The following TGFB2 variants were observed in gnomAD, a reference collection of about 807,000 sequenced individuals.
TGFB2 encodes transforming growth factor beta-2 proprotein.
Under a neutral mutation model 42.7 loss-of-function variants are expected in TGFB2, and 13 were observed. The ratio of observed to expected loss-of-function variants is 0.30; its 90% confidence interval spans 0.20 to 0.48. TGFB2 has a LOEUF of 0.48. Among genes scored for constraint, TGFB2 ranks in the 20% least tolerant of loss-of-function variants. TGFB2 has a pLI of 0.99. For missense variants in TGFB2, 390 were observed against 517.5 expected, an observed-to-expected ratio of 0.75 and a Z score of 2.39; for synonymous variants, 193 against 193.6, an observed-to-expected ratio of 1.00 and a Z score of 0.03.
At chr1:218,415,852 G>A (rs765259380) in intron 2 of TGFB2, among the ~76,000 whole-genome samples, 87 of 151,898 alleles carry the variant, frequency 5.7e-4, no homozygotes, top group Non-Finnish European at 1.0e-3. Flanking sequence ...CCTGTGAGGA[G>A]AATGCCTAGG....
intron 1 of TGFB2, among the ~76,000 whole-genome samples, chr1:218,378,450 T>A (rs567626237): frequency 1.1e-3 from 168 of 152,296 alleles, no homozygotes; most frequent in Admixed American, 1.7e-3. Flanking sequence ...GTGCTGGGAT[T>A]ACAGGCGTGA....
At chr1:218,409,314 A>G (rs968774138) in intron 2 of TGFB2, among the ~76,000 whole-genome samples, 4 of 152,222 alleles carry the variant, frequency 2.6e-5, no homozygotes, top group Admixed American at 6.5e-5. Flanking sequence ...ATCAGACCAC[A>G]GAAGCAATGC....
At chr1:218,352,917 A>G (rs1380523635) in intron 1 of TGFB2, among the ~76,000 whole-genome samples, 3 of 152,232 alleles carry the variant, frequency 2.0e-5, no homozygotes, top group Non-Finnish European at 4.4e-5. Context: ...AAAGATGAAG[A>G]AAGTAACACT....
chr1:218,347,446 G>A (rs1334430891), intron 1 of TGFB2, among the ~76,000 whole-genome samples: 1 of 152,096 alleles, frequency 6.6e-6, no homozygotes, highest in Non-Finnish European at 1.5e-5. Flanking sequence ...GGCGTGGAGC[G>A]CGCCGAACTG....
chr1:218,423,582 CAAAGTTTG>C (rs1659525001), intron 2 of TGFB2, among the ~76,000 whole-genome samples: 2 of 151,956 alleles, frequency 1.3e-5, no homozygotes, highest in African/African-American at 4.8e-5. Flanking sequence ...AGTTAGAAGC[CAAAGTTTG>C]GAAGTTTGGA....
chr1:218,378,886 G>A (rs954902589), intron 1 of TGFB2, among the ~76,000 whole-genome samples: 1 of 152,068 alleles, frequency 6.6e-6, no homozygotes, highest in Non-Finnish European at 1.5e-5. Flanking sequence ...GGTAATGGAA[G>A]AAGAGGTGTG....
In TGFB2 at chr1:218,430,190, C is replaced by T. The variant is rs200558774; in HGVS notation, c.511-3892C>T. 8.6e-5 allele frequency among the ~76,000 whole-genome samples: 13 copies of T among 151,592 alleles called. No individual in the cohort carries two copies. In the South Asian group the frequency reaches 1.5e-3, roughly 17 times the overall value. On this transcript the variant is annotated intron_variant, in intron 2 of 6. Coordinates refer to ENST00000366930, the MANE Select transcript of TGFB2 (RefSeq NM_003238.6). ...CTTTGGGAGGCTGAGGTGGGTGGCT[C>T]GAGACCAGCCTGGGCAACATGGCAA...
chr1:218,440,926 A>G (rs1185903066), intron 6 of TGFB2, among the ~76,000 whole-genome samples: 4 of 152,096 alleles, frequency 2.6e-5, no homozygotes, highest in Non-Finnish European at 5.9e-5. Context: ...AAAACCGGGA[A>G]AATCTGTTGA....
Position 218,434,191 on chromosome 1 carries a change from T to TGG in TGFB2, c.620_621insGG (p.His208ValfsTer16). Reference sequence around the variant, plus strand: ...CTCTCCTTCGATGTAACTGATGCTGTTCATGAATGGCTTCACCATAAAGGT... The same window carrying TGG: ...CTCTCCTTCGATGTAACTGATGCTGTGGTCATGAATGGCTTCACCATAAAGGT... On this transcript the variant is annotated frameshift_variant, in exon 3 of 7. Coordinates refer to ENST00000366930, the MANE Select transcript of TGFB2 (RefSeq NM_003238.6). LOFTEE classifies it high-confidence loss of function. 1 of 1,614,176 alleles carries TGG rather than the reference T, an allele frequency of 6.2e-7. No individual in the cohort carries two copies. Among genetic ancestry groups the TGG allele is most frequent in the South Asian group, 1.1e-5 (1 of 91,074 alleles).
At chr1:218,402,544 GAA>G (rs143843475) in intron 1 of TGFB2, among the ~76,000 whole-genome samples, 1 of 151,688 alleles carries the variant, frequency 6.6e-6, no homozygotes, top group African/African-American at 2.4e-5. Context: ...GAAAAGGGGG[GAA>G]AAAAATGGTC....
chr1:218,439,566 G>C (rs373470515), intron 6 of TGFB2, among the ~76,000 whole-genome samples: 1 of 151,992 alleles, frequency 6.6e-6, no homozygotes, highest in Admixed American at 6.5e-5. Context: ...GACAAATACG[G>C]CTCCTCTTCC....
intron 1 of TGFB2, among the ~76,000 whole-genome samples, chr1:218,353,770 G>T (rs1656942301): frequency 6.6e-6 from 1 of 152,100 alleles, no homozygotes; most frequent in Non-Finnish European, 1.5e-5. Context: ...TGTGCCTGTA[G>T]TCCTAGCTAC....
Position 218,346,048 on chromosome 1 carries a change from G to GCGCACA in TGFB2, c.-646_-641dup, listed in dbSNP as rs765496001. 6.9e-3 allele frequency among the ~76,000 whole-genome samples: 966 copies of GCGCACA among 140,546 alleles called. 5 individuals are homozygous for GCGCACA. Among genetic ancestry groups the GCGCACA allele is most frequent in the Non-Finnish European group, 0.011 (715 of 65,760 alleles). The allele number at this position is 140,546 out of a possible 152,430, so 92.2% of individuals were successfully genotyped here. On this transcript the variant is annotated 5_prime_UTR_variant, in exon 1 of 7. Coordinates refer to ENST00000366930, the MANE Select transcript of TGFB2 (RefSeq NM_003238.6). The surrounding 1 kb of genome is among the most constrained non-coding windows in gnomAD (Gnocchi z 4.9). Reference sequence around the variant, plus strand: ...GGTGCGCTGGGCTCGCCCCCAGCGCGCGCACACGCACACACACACACACAC... The same window carrying GCGCACA: ...GGTGCGCTGGGCTCGCCCCCAGCGCGCGCACACGCACACGCACACACACACACACAC...
chr1:218,367,898 G>A lies in TGFB2; in HGVS notation c.346+20851G>A, dbSNP rs182601784. Among the ~76,000 whole-genome samples, 656 of 152,190 alleles carry A rather than the reference G, an allele frequency of 4.3e-3. 3 individuals are homozygous for A. The highest frequency in any genetic ancestry group is 0.015 in the African/African-American group (605 of 41,520). ...GCTTACTGCAACCTCCGCCTCCCAG[G>A]TTCAAGCAATTCTCCTGCCTCAGCC... On this transcript the variant is annotated intron_variant, in intron 1 of 6. Coordinates refer to ENST00000366930, the MANE Select transcript of TGFB2 (RefSeq NM_003238.6).
chr1:218,435,215 A>T (rs2102627659), intron 4 of TGFB2, among the ~76,000 whole-genome samples: 1 of 152,290 alleles, frequency 6.6e-6, no homozygotes, highest in East Asian at 1.9e-4. Flanking sequence ...ACCTCCATCC[A>T]CTTTTAGAAG....
At chr1:218,359,497 G>T (rs887939460) in intron 1 of TGFB2, among the ~76,000 whole-genome samples, 8 of 152,158 alleles carry the variant, frequency 5.3e-5, no homozygotes, top group African/African-American at 9.7e-5. Context: ...TATTTCAGAA[G>T]AATTCCACTG....
At chr1:218,403,139 G>C (rs1299516543) in intron 1 of TGFB2, among the ~76,000 whole-genome samples, 1 of 152,258 alleles carries the variant, frequency 6.6e-6, no homozygotes, top group Non-Finnish European at 1.5e-5. Context: ...TGGTGATGCG[G>C]CGGATCATCA....
intron 1 of TGFB2, among the ~76,000 whole-genome samples, chr1:218,388,567 C>T (rs1658213852): frequency 6.6e-6 from 1 of 152,190 alleles, no homozygotes; most frequent in African/African-American, 2.4e-5. Context: ...CCTTTCCTTG[C>T]TTGTCCCTCT....
At chr1:218,401,052 A>G (rs1571871445) in intron 1 of TGFB2, among the ~76,000 whole-genome samples, 1 of 152,228 alleles carries the variant, frequency 6.6e-6, no homozygotes, top group East Asian at 1.9e-4. Context: ...CAAGATGGTG[A>G]CTAGAGAGGC....
Sources: gnomAD v4.1 joint callset for allele counts (sites outside exome capture counted in the v4.1 genomes callset) on GRCh38, gnomAD v4.1.1 for gene constraint, Gnocchi (gnomAD v3.1) non-coding constraint, MANE v1.5 for transcripts, NCBI Gene and HGNC (gene_info 2026-07-23, HGNC 2026-07-21) for gene names.